The following ZFYVE28 variants were observed in gnomAD, a reference collection of about 807,000 sequenced individuals.
ZFYVE28 encodes the protein zinc finger FYVE-type containing 28.
Under a neutral mutation model 82.1 loss-of-function variants are expected in ZFYVE28, and 40 were observed. The observed-to-expected ratio is 0.49, with a 90% CI of 0.38 to 0.63. ZFYVE28 has a LOEUF of 0.63. ZFYVE28 is among the 30% of genes least tolerant of loss of function. The pLI is 0.00. For missense variants in ZFYVE28, 1,321 were observed against 1,242.1 expected (o/e 1.06, Z -0.96); for synonymous variants, 612 against 546.1 (o/e 1.12, Z -1.68).
intron 6 of ZFYVE28, among the ~76,000 whole-genome samples, chr4:2,331,649 C>G (rs1720725193): frequency 6.6e-6 from 1 of 152,202 alleles, no homozygotes; most frequent in Non-Finnish European, 1.5e-5. Flanking sequence ...GGATGCAGGT[C>G]TTAGGGAGGG....
chr4:2,382,989 G>T (rs1048156682), intron 1 of ZFYVE28, among the ~76,000 whole-genome samples: 1 of 152,008 alleles, frequency 6.6e-6, no homozygotes, highest in Non-Finnish European at 1.5e-5. Flanking sequence ...CATGGGAAAG[G>T]CCAGCCCCCA....
At chr4:2,354,720 A>G (rs1379820937) in intron 1 of ZFYVE28, among the ~76,000 whole-genome samples, 1 of 152,100 alleles carries the variant, frequency 6.6e-6, no homozygotes, top group Non-Finnish European at 1.5e-5. Context: ...CAGCCTCCCA[A>G]AGTGCTGGGA....
At chr4:2,308,239 C>A (rs948298427) in intron 7 of ZFYVE28, among the ~76,000 whole-genome samples, 15 of 152,106 alleles carry the variant, frequency 9.9e-5, no homozygotes, top group Non-Finnish European at 2.1e-4. Flanking sequence ...CCCACCTCAG[C>A]CTCCCAAAGT....
chr4:2,404,857 CTTTTTTTT>C (rs11404626), intron 1 of ZFYVE28, among the ~76,000 whole-genome samples: 2 of 110,998 alleles, frequency 1.8e-5, no homozygotes, highest in Non-Finnish European at 1.7e-5. Context: ...CAGTCTCGCT[CTTTTTTTT>C]TTTTTTTTTT....
At chr4:2,323,051 G>C (rs910760049) in intron 6 of ZFYVE28, among the ~76,000 whole-genome samples, 5 of 152,124 alleles carry the variant, frequency 3.3e-5, no homozygotes, top group Admixed American at 3.3e-4. Flanking sequence ...CATTTCTCTT[G>C]GGTATATGCC....
In ZFYVE28 at chr4:2,418,238, G is replaced by T; in HGVS notation, c.39+47C>A. The T allele has an allele frequency of 6.6e-7, 1 of 1,525,322 alleles. No individual in the cohort carries two copies. The highest frequency in any genetic ancestry group is 1.2e-5 in the South Asian group (1 of 82,136). 94.5% of individuals were successfully genotyped at this position (1,525,322 alleles called of 1,614,324 possible). ...GGCGGACGGGCGGTCCTGGGGAAGG[G>T]AGAGGCCGCGACGCGGGGGGCGTCC... On this transcript the variant is annotated intron_variant, in intron 1 of 12. Coordinates refer to ENST00000290974, the MANE Select transcript of ZFYVE28 (RefSeq NM_020972.3). This position sits in a 1 kb window ranked among gnomAD's most constrained non-coding sequence, Gnocchi z 4.6.
Position 2,304,643 on chromosome 4 carries a change from C to T in ZFYVE28, c.1697G>A (p.Cys566Tyr), listed in dbSNP as rs570859638. The T allele has an allele frequency of 1.4e-5, 22 of 1,612,514 alleles. 1 individual carries two copies. The South Asian group carries it at 2.1e-4, about 15-fold the overall frequency. The change falls in exon 8 of 13, where the codon TGC becomes TAC. Residue 566 changes from cysteine to tyrosine, a missense_variant. Cys to Tyr is a radical substitution (Grantham distance 194). Transcript: ENST00000290974. ...CCTGCTGTCCCCGCAGCTCCCACAGCACACGCAGGAATGCAGAAGGCAGTT... is the reference window on the plus strand; with the variant it reads ...CCTGCTGTCCCCGCAGCTCCCACAGTACACGCAGGAATGCAGAAGGCAGTT... Reference protein sequence around the residue: ...ATNCLLHSCVCCGSCGDSRED... With the variant: ...ATNCLLHSCVYCGSCGDSRED...
intron 6 of ZFYVE28, among the ~76,000 whole-genome samples, chr4:2,324,153 T>C (rs1350480502): frequency 6.6e-6 from 1 of 152,172 alleles, no homozygotes; most frequent in Admixed American, 6.5e-5. Flanking sequence ...AAAGTCCAAA[T>C]TCTGCTGGGA....
intron 8 of ZFYVE28, chr4:2,295,589 A>T (rs1714432797): frequency 6.6e-6 from 1 of 152,474 alleles, no homozygotes; most frequent in Admixed American, 6.6e-5. Context: ...AAGCTCTCTG[A>T]GATTTCCTGC....
intron 1 of ZFYVE28, among the ~76,000 whole-genome samples, chr4:2,376,360 G>T: frequency 1.0e-5 from 1 of 97,930 alleles, no homozygotes; most frequent in Non-Finnish European, 1.9e-5. Flanking sequence ...AACATAGTGA[G>T]ACCCTATCTC....
chr4:2,278,948 A>T (rs1362282153), intron 8 of ZFYVE28, among the ~76,000 whole-genome samples: 1 of 149,386 alleles, frequency 6.7e-6, no homozygotes, highest in Admixed American at 6.6e-5. Context: ...CCTCAAAAAA[A>T]AAAAACCCAG....
At chr4:2,402,053 C>T (rs1237355057) in intron 1 of ZFYVE28, among the ~76,000 whole-genome samples, 1 of 152,196 alleles carries the variant, frequency 6.6e-6, no homozygotes, top group African/African-American at 2.4e-5. Context: ...GGAAGAAATC[C>T]CGGTCCTGCC....
At chr4:2,274,913 G>A (rs1736264935) in intron 8 of ZFYVE28, among the ~76,000 whole-genome samples, 1 of 135,710 alleles carries the variant, frequency 7.4e-6, no homozygotes, top group Admixed American at 6.9e-5. Context: ...CAGACGGAGT[G>A]AGGTTCTGCC....
intron 2 of ZFYVE28, among the ~76,000 whole-genome samples, chr4:2,343,737 G>T (rs1723137896): frequency 6.6e-6 from 1 of 151,954 alleles, no homozygotes; most frequent in South Asian, 2.1e-4. Flanking sequence ...GCCCAAGGCT[G>T]AGGAGCTTTT....
intron 1 of ZFYVE28, among the ~76,000 whole-genome samples, chr4:2,377,957 C>T (rs998955879): frequency 6.6e-5 from 10 of 152,332 alleles, no homozygotes; most frequent in Admixed American, 1.3e-4. Flanking sequence ...CTGCACAGCA[C>T]GTTACTGTGC....
chr4:2,358,975 CTTTT>C (rs34020284), intron 1 of ZFYVE28, among the ~76,000 whole-genome samples: 3 of 125,768 alleles, frequency 2.4e-5, no homozygotes, highest in Non-Finnish European at 3.3e-5. Context: ...CCAATTTTTT[CTTTT>C]TTTTTTTTTT....
At chr4:2,414,566 G>A (rs892007172) in intron 1 of ZFYVE28, among the ~76,000 whole-genome samples, 1 of 152,230 alleles carries the variant, frequency 6.6e-6, no homozygotes, top group Non-Finnish European at 1.5e-5. Flanking sequence ...GGAGTGCAAG[G>A]TTGAGCATGG....
intron 1 of ZFYVE28, among the ~76,000 whole-genome samples, chr4:2,380,471 A>G (rs143089950): frequency 5.6e-4 from 85 of 152,302 alleles, no homozygotes; most frequent in African/African-American, 2.0e-3. Context: ...CTGCAACTCA[A>G]CCAAGTCCTT....
intron 1 of ZFYVE28, among the ~76,000 whole-genome samples, chr4:2,391,905 T>C (rs1038096586): frequency 9.2e-5 from 14 of 151,926 alleles, no homozygotes; most frequent in African/African-American, 3.4e-4. Context: ...CCAGCTAATT[T>C]TTGTATTTTT....
Sources: allele counts gnomAD v4.1 joint callset (sites outside exome capture counted in the v4.1 genomes callset), GRCh38; gene constraint gnomAD v4.1.1; non-coding constraint Gnocchi (gnomAD v3.1); transcripts MANE v1.5; gene names NCBI Gene and HGNC (gene_info 2026-07-23, HGNC 2026-07-21).